The following KCNU1 variants were observed in gnomAD, a reference collection of about 807,000 sequenced individuals.
The protein encoded by KCNU1 is potassium channel subfamily U member 1.
A neutral mutation model predicts 126.8 loss-of-function variants in KCNU1; 93 were observed. That is an observed-to-expected ratio of 0.73 (90% CI 0.62 to 0.87). KCNU1 has a LOEUF of 0.87. Ranked by LOEUF, KCNU1 falls within the 40% of genes least tolerant of loss-of-function variation. The probability of loss-of-function intolerance (pLI) is 0.00; values close to 1 mark genes in which losing one functional copy is unlikely to be tolerated. For synonymous variants in KCNU1, 523 were observed against 494.2 expected (o/e 1.06, Z -0.77); for missense variants, 1,330 against 1,367.1 (o/e 0.97, Z 0.43).
intron 2 of KCNU1, 63 bp from the exon 3 acceptor site, chr8:36,803,964 T>C (rs1803404737): frequency 1.8e-6 from 2 of 1,100,670 alleles, no homozygotes; most frequent in Non-Finnish European, 2.7e-6. Context: ...AAACACACTT[T>C]TGTCGATTTA....
intron 2 of KCNU1, among the ~76,000 whole-genome samples, chr8:36,794,925 C>CAAAAAA (rs1803037393): frequency 1.3e-5 from 2 of 151,784 alleles, no homozygotes; most frequent in South Asian, 4.2e-4. Context: ...AAAACTGTCT[C>CAAAAAA]AACAAAAACA....
intron 23 of KCNU1, 119 bp from the exon 24 acceptor site, chr8:36,922,371 A>G: frequency 9.5e-7 from 1 of 1,054,980 alleles, no homozygotes; most frequent in East Asian, 2.5e-5. Flanking sequence ...TCCCACAGAG[A>G]CCCCAAAGTA....
chr8:36,836,187 C>A, intron 12 of KCNU1, 109 bp from the exon 13 acceptor site: 2 of 675,670 alleles, frequency 3.0e-6, no homozygotes, highest in East Asian at 2.6e-5. Flanking sequence ...TATTATATGC[C>A]AAGTTTTTCT....
chr8:36,917,970 C>T (rs1229624391), intron 22 of KCNU1, among the ~76,000 whole-genome samples: 1 of 152,146 alleles, frequency 6.6e-6, no homozygotes, highest in African/African-American at 2.4e-5. Context: ...AACAGCAGTG[C>T]CTCAGCCCAG....
chr8:36,857,926 G>C (rs931470249), intron 18 of KCNU1, among the ~76,000 whole-genome samples: 5 of 152,084 alleles, frequency 3.3e-5, no homozygotes, highest in Non-Finnish European at 7.4e-5. Context: ...GATTACAGGC[G>C]TGAGCCACTG....
At chr8:36,902,069 G>A (rs1441627777) in intron 19 of KCNU1, among the ~76,000 whole-genome samples, 1 of 152,122 alleles carries the variant, frequency 6.6e-6, no homozygotes, top group African/African-American at 2.4e-5. Flanking sequence ...ATGGCAGAAC[G>A]GAGCTTTAGT....
At chr8:36,865,376 A>G (rs1196721492) in intron 19 of KCNU1, among the ~76,000 whole-genome samples, 2 of 152,068 alleles carry the variant, frequency 1.3e-5, no homozygotes, top group Admixed American at 1.3e-4. Flanking sequence ...AGAAAACAAA[A>G]TCAGTATTTC....
intron 2 of KCNU1, chr8:36,795,363 C>T (rs1803057655): frequency 6.6e-6 from 1 of 152,514 alleles, no homozygotes; most frequent in African/African-American, 2.4e-5. Flanking sequence ...AGCAGTAACC[C>T]CCCTCACATC....
chr8:36,831,021 T>A (rs1386868722), intron 10 of KCNU1, among the ~76,000 whole-genome samples: 1 of 151,242 alleles, frequency 6.6e-6, no homozygotes, highest in Non-Finnish European at 1.5e-5. Context: ...TGGTTTTTTG[T>A]TCTTGCGATA....
intron 19 of KCNU1, among the ~76,000 whole-genome samples, chr8:36,890,111 A>T (rs893231589): frequency 6.6e-6 from 1 of 152,100 alleles, no homozygotes; most frequent in African/African-American, 2.4e-5. Flanking sequence ...ACAAAAACTG[A>T]GGCAGTTTAT....
chr8:36,834,473 T>G (rs1804673941), intron 11 of KCNU1, among the ~76,000 whole-genome samples: 1 of 152,230 alleles, frequency 6.6e-6, no homozygotes, highest in Non-Finnish European at 1.5e-5. Context: ...GCCTTAGGGC[T>G]TATCACTAGG....
intron 18 of KCNU1, among the ~76,000 whole-genome samples, chr8:36,850,868 T>A (rs1805318153): frequency 6.6e-6 from 1 of 152,182 alleles, no homozygotes; most frequent in East Asian, 1.9e-4. Context: ...CAAAAACTAT[T>A]CTTGTCAAAA....
chr8:36,867,044 T>C (rs1376420769), intron 19 of KCNU1, among the ~76,000 whole-genome samples: 2 of 152,150 alleles, frequency 1.3e-5, no homozygotes, highest in Non-Finnish European at 2.9e-5. Context: ...GTTAATTTTC[T>C]TTCCTAAAAA....
At chr8:36,887,909 T>C (rs768996618) in intron 19 of KCNU1, among the ~76,000 whole-genome samples, 2 of 152,174 alleles carry the variant, frequency 1.3e-5, no homozygotes, top group South Asian at 2.1e-4. Flanking sequence ...TAATCTCTAT[T>C]TTAACATTAA....
intron 7 of KCNU1, 79 bp from the exon 8 acceptor site, chr8:36,814,128 T>C: frequency 9.6e-7 from 1 of 1,036,746 alleles, no homozygotes; most frequent in Non-Finnish European, 1.5e-6. Context: ...GTGCAATTAA[T>C]CTAATGTTTT....
At chr8:36,854,287 A>G (rs1805454081) in intron 18 of KCNU1, among the ~76,000 whole-genome samples, 2 of 152,060 alleles carry the variant, frequency 1.3e-5, no homozygotes, top group African/African-American at 2.4e-5. Context: ...GTTATTGGCC[A>G]TTATTTCTCA....
chr8:36,797,758 G>A (rs1363441199), intron 2 of KCNU1, among the ~76,000 whole-genome samples: 1 of 151,984 alleles, frequency 6.6e-6, no homozygotes, highest in Non-Finnish European at 1.5e-5. Flanking sequence ...ACAACAATGT[G>A]GTTGAGTTTA....
At chr8:36,803,498 CCTT>C (rs1417922760) in intron 2 of KCNU1, among the ~76,000 whole-genome samples, 1 of 151,982 alleles carries the variant, frequency 6.6e-6, no homozygotes, top group Non-Finnish European at 1.5e-5. Context: ...AAAAAAATCA[CCTT>C]CTTCTCACTT....
At chr8:36,841,310 A>G (rs1296160677) in intron 16 of KCNU1, among the ~76,000 whole-genome samples, 2 of 152,046 alleles carry the variant, frequency 1.3e-5, no homozygotes, top group Non-Finnish European at 2.9e-5. Context: ...GTTTCTCTTA[A>G]TAATATTACC....
Sources: allele counts gnomAD v4.1 joint callset (sites outside exome capture counted in the v4.1 genomes callset), GRCh38; gene constraint gnomAD v4.1.1; transcripts MANE v1.5; gene names NCBI Gene and HGNC (gene_info 2026-07-23, HGNC 2026-07-21).